Variants in LGR5 observed in about 807,000 individuals in gnomAD.
The protein encoded by LGR5 is leucine-rich repeat-containing G protein-coupled receptor 5.
In LGR5, 54 loss-of-function variants were observed where a neutral mutation model predicts 76.7. That is an observed-to-expected ratio of 0.70 (90% confidence interval 0.57 to 0.88). The LOEUF (loss-of-function observed/expected upper bound fraction) is 0.88, where lower values mean the gene tolerates loss of function less well. Ranked by LOEUF, LGR5 falls within the 40% of genes least tolerant of loss-of-function variation. The pLI is 0.00. For synonymous variants in LGR5, 406 were observed against 421.9 expected, an observed-to-expected ratio of 0.96 and a Z score of 0.46; for missense variants, 1,078 against 1,073.3, an observed-to-expected ratio of 1.00 and a Z score of -0.06.
At chr12:71,482,405 CT>C in intron 1 of LGR5, among the ~76,000 whole-genome samples, 2 of 152,250 alleles carry the variant, frequency 1.3e-5, no homozygotes, top group East Asian at 3.9e-4. Context: ...TGGCTCTCTT[CT>C]CTTTGTGTCT....
In LGR5 at chr12:71,475,653, C is replaced by G. The variant is rs377286441; in HGVS notation, c.213-28961C>G. Among the ~76,000 whole-genome samples the G allele has an allele frequency of 2.6e-5, 4 of 152,276 alleles. No homozygotes were observed. In the East Asian group the frequency reaches 7.7e-4, roughly 29 times the overall value. ...TTTTCCTTCTCTCACTCATCCCCCC[C>G]TTATCATAGCTGATATTTCTTTTCA... On this transcript the variant is annotated intron_variant, in intron 1 of 17. Coordinates refer to ENST00000266674, the MANE Select transcript of LGR5 (RefSeq NM_003667.4).
intron 1 of LGR5, among the ~76,000 whole-genome samples, chr12:71,445,241 C>G (rs193246926): frequency 1.3e-5 from 2 of 152,282 alleles, no homozygotes; most frequent in East Asian, 3.9e-4. Flanking sequence ...TTCCTCACTC[C>G]AGTTGCAATA....
At chr12:71,525,835 A>G (rs1280978637) in intron 3 of LGR5, among the ~76,000 whole-genome samples, 1 of 151,370 alleles carries the variant, frequency 6.6e-6, no homozygotes, top group African/African-American at 2.4e-5. Flanking sequence ...TTATAATTAC[A>G]TATAATTATA....
At chr12:71,469,652 G>A (rs907036987) in intron 1 of LGR5, among the ~76,000 whole-genome samples, 5 of 152,224 alleles carry the variant, frequency 3.3e-5, no homozygotes, top group Non-Finnish European at 7.3e-5. Context: ...GAAGCTGAAA[G>A]GATAAACGCA....
rs779005404 is a variant in LGR5, at chr12:71,566,615, T to C, written c.930-17T>C. On this transcript the variant is annotated splice_polypyrimidine_tract_variant and intron_variant, in intron 9 of 17. Coordinates refer to ENST00000266674, the MANE Select transcript of LGR5 (RefSeq NM_003667.4). ...TAGAATCTTCTACCAGTAATACTTA[T>C]ATACTCCTCTTTCTAGGACTCTGAA... 2 of 1,600,788 alleles carry C rather than the reference T, an allele frequency of 1.2e-6. No homozygotes were observed. The highest frequency in any genetic ancestry group is 1.7e-6 in the Non-Finnish European group (2 of 1,168,138).
At chr12:71,466,245 G>A (rs976044259) in intron 1 of LGR5, among the ~76,000 whole-genome samples, 6 of 152,184 alleles carry the variant, frequency 3.9e-5, no homozygotes, top group East Asian at 1.9e-4. Context: ...GAGTCAAATC[G>A]AAGGAGCAAG....
At chr12:71,574,073 G>T (rs915188269) in intron 13 of LGR5, among the ~76,000 whole-genome samples, 20 of 151,428 alleles carry the variant, frequency 1.3e-4, no homozygotes. Context: ...ATATTAAAAG[G>T]CAGGCGGATC....
intron 2 of LGR5, among the ~76,000 whole-genome samples, chr12:71,518,500 A>G (rs1035094485): frequency 2.6e-5 from 4 of 152,222 alleles, no homozygotes; most frequent in Non-Finnish European, 4.4e-5. Context: ...ATTACTGGGT[A>G]TATACCCAAA....
chr12:71,520,954 T>C (rs1033152054), intron 2 of LGR5, among the ~76,000 whole-genome samples: 3 of 152,194 alleles, frequency 2.0e-5, no homozygotes, highest in Admixed American at 6.5e-5. Context: ...ATGTTTAAAA[T>C]AGTAAATATT....
intron 1 of LGR5, among the ~76,000 whole-genome samples, chr12:71,459,165 T>G (rs1035191105): frequency 6.6e-6 from 1 of 152,072 alleles, no homozygotes. Context: ...TCCTGTGAGA[T>G]CTGACCTATA....
At chr12:71,466,140 G>T (rs1872853016) in intron 1 of LGR5, among the ~76,000 whole-genome samples, 1 of 152,152 alleles carries the variant, frequency 6.6e-6, no homozygotes, top group Non-Finnish European at 1.5e-5. Flanking sequence ...TAGACAAACT[G>T]CTATGAGGAT....
intron 1 of LGR5, among the ~76,000 whole-genome samples, chr12:71,504,151 T>A (rs34726672): frequency 0.092 from 14,062 of 152,196 alleles, 695 homozygotes; most frequent in Non-Finnish European, 0.11. Flanking sequence ...GTTGTTGTTT[T>A]AAATTTCTTT....
At chr12:71,451,467 T>C (rs553018538) in intron 1 of LGR5, among the ~76,000 whole-genome samples, 2 of 152,252 alleles carry the variant, frequency 1.3e-5, no homozygotes, top group East Asian at 3.9e-4. Flanking sequence ...CCTCCAGGTG[T>C]TCACATGTGT....
chr12:71,513,067 G>C (rs1409882811), intron 2 of LGR5, among the ~76,000 whole-genome samples: 2 of 152,142 alleles, frequency 1.3e-5, no homozygotes, highest in East Asian at 1.9e-4. Flanking sequence ...AGAATGTCTG[G>C]TTCCCTGGGT....
At position 71,584,791 on chromosome 12, in the gene LGR5, G is replaced by A; in HGVS notation, c.*57G>A. The stretch of plus-strand genomic sequence containing the variant: ...TGAGAACCTGAAAATGTGAGATTGA[G>A]TATATCAGAGCAGTAATTAATAAGA... On this transcript the variant is annotated 3_prime_UTR_variant, in exon 18 of 18. Transcript: ENST00000266674. 2 of 1,525,570 alleles carry A rather than the reference G, an allele frequency of 1.3e-6. No homozygotes were observed. Among genetic ancestry groups the A allele is most frequent in the Middle Eastern group, 1.8e-4 (1 of 5,588 alleles). 94.5% of individuals were successfully genotyped at this position (1,525,570 alleles called of 1,614,324 possible).
At chr12:71,468,976 G>A (rs890235168) in intron 1 of LGR5, among the ~76,000 whole-genome samples, 1 of 152,058 alleles carries the variant, frequency 6.6e-6, no homozygotes. Context: ...TATTAAAAGT[G>A]TAATGTCACA....
chr12:71,491,078 C>G (rs187314327), intron 1 of LGR5, among the ~76,000 whole-genome samples: 5 of 152,294 alleles, frequency 3.3e-5, no homozygotes, highest in African/African-American at 4.8e-5. Flanking sequence ...TGCACATGCT[C>G]TCTTGCCTGC....
intron 1 of LGR5, among the ~76,000 whole-genome samples, chr12:71,443,080 G>A (rs1244512862): frequency 6.6e-6 from 1 of 152,106 alleles, no homozygotes; most frequent in Non-Finnish European, 1.5e-5. Context: ...TAGTCAAAAT[G>A]TTATCACCCA....
intron 1 of LGR5, among the ~76,000 whole-genome samples, chr12:71,464,838 T>C (rs1872801786): frequency 6.6e-6 from 1 of 152,152 alleles, no homozygotes; most frequent in South Asian, 2.1e-4. Flanking sequence ...TAAAAAAGTT[T>C]TCCTGGGAAG....
Sources: gnomAD v4.1 joint callset for allele counts (sites outside exome capture counted in the v4.1 genomes callset) on GRCh38, gnomAD v4.1.1 for gene constraint, MANE v1.5 for transcripts, NCBI Gene and HGNC (gene_info 2026-07-23, HGNC 2026-07-21) for gene names.